Variants in ROR1 observed in about 807,000 individuals in gnomAD.
The protein encoded by ROR1 is ROR family WNT receptor 1, also known as inactive tyrosine-protein kinase transmembrane receptor ROR1.
In ROR1, 19 loss-of-function variants were observed where a neutral mutation model predicts 78.8. The ratio of observed to expected loss-of-function variants is 0.24; its 90% CI spans 0.17 to 0.35. ROR1 has a LOEUF of 0.35. Among genes scored for constraint, ROR1 ranks in the 10% least tolerant of loss-of-function variants. ROR1 has a pLI of 1.00. For synonymous variants in ROR1, 386 were observed against 433.6 expected (o/e 0.89, Z 1.36); for missense variants, 917 against 1,177.8 (o/e 0.78, Z 3.24).
At position 63,774,563 on chromosome 1, in the gene ROR1, C is replaced by T. The variant is rs1460632384; in HGVS notation, c.91+55C>T. The T allele has an allele frequency of 1.0e-6, 1 of 958,906 alleles. No individual in the cohort carries two copies. The highest frequency in any genetic ancestry group is 1.3e-6 in the Non-Finnish European group (1 of 789,224). 59.4% of individuals were successfully genotyped at this position (958,906 alleles called of 1,614,324 possible). On this transcript the variant is annotated intron_variant, in intron 1 of 8. Transcript: ENST00000371079. This position sits in a 1 kb window ranked among gnomAD's most constrained non-coding sequence, Gnocchi z 5.7. ...CCAGACCCCCTGACCCGTGGCCACCCTTCCGCCGTCCAGCCGGGCGCGGGA... is the reference window on the plus strand; with the variant it reads ...CCAGACCCCCTGACCCGTGGCCACCTTTCCGCCGTCCAGCCGGGCGCGGGA...
chr1:64,041,477 C>T (rs1459829050), intron 2 of ROR1, among the ~76,000 whole-genome samples: 2 of 152,168 alleles, frequency 1.3e-5, no homozygotes, highest in Admixed American at 1.3e-4. Flanking sequence ...TAGCAAAGTG[C>T]AAGTTTTCTT....
intron 2 of ROR1, among the ~76,000 whole-genome samples, chr1:64,038,094 A>G (rs834477): frequency 0.65 from 98,684 of 152,094 alleles, 35,931 homozygotes; most frequent in East Asian, 0.88. Flanking sequence ...TGCGAGGCCA[A>G]GGAGAGATGG....
At chr1:63,987,955 G>GA (rs1238314483) in intron 1 of ROR1, among the ~76,000 whole-genome samples, 20 of 152,248 alleles carry the variant, frequency 1.3e-4, no homozygotes, top group Non-Finnish European at 2.6e-4. Context: ...GATTTGCTGT[G>GA]AAATACAGTC....
chr1:64,007,897 G>A (rs1189284856), intron 1 of ROR1, among the ~76,000 whole-genome samples: 1 of 150,824 alleles, frequency 6.6e-6, no homozygotes, highest in Non-Finnish European at 1.5e-5. Flanking sequence ...GGTCATTTCT[G>A]CAGATTTGTT....
intron 8 of ROR1, among the ~76,000 whole-genome samples, chr1:64,162,187 CAA>C (rs1261875547): frequency 1.3e-5 from 2 of 152,134 alleles, no homozygotes; most frequent in Admixed American, 1.3e-4. Flanking sequence ...TTGGCCAATT[CAA>C]AAGTCAGAGA....
intron 1 of ROR1, among the ~76,000 whole-genome samples, chr1:63,961,096 A>G (rs1368741023): frequency 6.6e-6 from 1 of 150,692 alleles, no homozygotes; most frequent in Non-Finnish European, 1.5e-5. Flanking sequence ...TCTTCCCTCC[A>G]TTCATCCTTT....
At chr1:64,108,677 CA>C (rs1313171819) in intron 4 of ROR1, among the ~76,000 whole-genome samples, 1 of 152,034 alleles carries the variant, frequency 6.6e-6, no homozygotes, top group Non-Finnish European at 1.5e-5. Context: ...ACCAATACAA[CA>C]TTCTACAACA....
At chr1:63,985,069 A>C (rs951901111) in intron 1 of ROR1, among the ~76,000 whole-genome samples, 2 of 152,066 alleles carry the variant, frequency 1.3e-5, no homozygotes, top group Admixed American at 1.3e-4. Flanking sequence ...GGTGTGTTGA[A>C]CTCTGGACTA....
intron 4 of ROR1, among the ~76,000 whole-genome samples, chr1:64,131,745 G>A (rs1648919394): frequency 6.6e-6 from 1 of 152,092 alleles, no homozygotes; most frequent in African/African-American, 2.4e-5. Context: ...CCCCTGAATA[G>A]ATAGGACTAC....
intron 4 of ROR1, among the ~76,000 whole-genome samples, chr1:64,090,424 T>G (rs1647186364): frequency 6.6e-6 from 1 of 152,232 alleles, no homozygotes; most frequent in Non-Finnish European, 1.5e-5. Context: ...CTAAGCTGCC[T>G]TAATTGTAAA....
At chr1:63,914,075 G>A (rs200946195) in intron 1 of ROR1, among the ~76,000 whole-genome samples, 1 of 151,038 alleles carries the variant, frequency 6.6e-6, no homozygotes, top group Non-Finnish European at 1.5e-5. Flanking sequence ...AGCCGCATTA[G>A]TGTTTTTGTT....
At chr1:64,095,950 A>G (rs996616096) in intron 4 of ROR1, among the ~76,000 whole-genome samples, 7 of 152,196 alleles carry the variant, frequency 4.6e-5, no homozygotes, top group Non-Finnish European at 7.3e-5. Context: ...AGCTATGTTA[A>G]CAAAGATATT....
At chr1:63,959,364 C>G (rs752790340) in intron 1 of ROR1, among the ~76,000 whole-genome samples, 2 of 152,132 alleles carry the variant, frequency 1.3e-5, no homozygotes, top group Non-Finnish European at 2.9e-5. Flanking sequence ...CAAGATGATA[C>G]TGGGTAGACA....
chr1:64,033,211 G>C (rs1160068135), intron 2 of ROR1, among the ~76,000 whole-genome samples: 1 of 152,168 alleles, frequency 6.6e-6, no homozygotes, highest in Non-Finnish European at 1.5e-5. Flanking sequence ...TGCATCCCCA[G>C]AAACAGGATA....
At chr1:63,871,185 T>C (rs1298514320) in intron 1 of ROR1, among the ~76,000 whole-genome samples, 1 of 152,198 alleles carries the variant, frequency 6.6e-6, no homozygotes, top group Non-Finnish European at 1.5e-5. Context: ...TAGGTAGTAG[T>C]GGAGTCTGTG....
chr1:64,053,931 T>G (rs894780396), intron 4 of ROR1, among the ~76,000 whole-genome samples: 1 of 151,982 alleles, frequency 6.6e-6, no homozygotes, highest in Non-Finnish European at 1.5e-5. Flanking sequence ...TTAGACAAAT[T>G]TGTTTTTCTT....
chr1:63,922,313 A>G (rs1645662232), intron 1 of ROR1, among the ~76,000 whole-genome samples: 1 of 152,240 alleles, frequency 6.6e-6, no homozygotes. Flanking sequence ...CCTAAAGCTC[A>G]GACAGGCTCA....
At chr1:64,100,344 T>A (rs1216889215) in intron 4 of ROR1, among the ~76,000 whole-genome samples, 1 of 151,888 alleles carries the variant, frequency 6.6e-6, no homozygotes, top group Non-Finnish European at 1.5e-5. Flanking sequence ...AAAAATAAGC[T>A]AGGCATAGCA....
chr1:64,159,362 A>T lies in ROR1; in HGVS notation c.1386+170A>T, dbSNP rs141750209. ...GAACTACCTACCTCTATCTAAACCA[A>T]GACACTTTCATCAGTATGTCTACTT... On this transcript the variant is annotated intron_variant, in intron 8 of 8. Transcript: ENST00000371079. Among the ~76,000 whole-genome samples the T allele has an allele frequency of 5.3e-3, 809 of 152,258 alleles. 7 individuals carry two copies. Among genetic ancestry groups the T allele is most frequent in the African/African-American group, 0.019 (773 of 41,546 alleles).
Sources: allele counts gnomAD v4.1 joint callset (sites outside exome capture counted in the v4.1 genomes callset), GRCh38; gene constraint gnomAD v4.1.1; non-coding constraint Gnocchi (gnomAD v3.1); transcripts MANE v1.5; gene names NCBI Gene and HGNC (gene_info 2026-07-23, HGNC 2026-07-21).